The following AHNAK variants were observed in gnomAD, a reference collection of about 807,000 sequenced individuals.
AHNAK encodes the protein AHNAK nucleoprotein, also known as neuroblast differentiation-associated protein AHNAK.
AHNAK carries 23 observed loss-of-function variants against 37.8 expected under a neutral mutation model. The observed-to-expected ratio is 0.61, with a 90% CI of 0.44 to 0.86. The LOEUF (loss-of-function observed/expected upper bound fraction) is 0.86. Among genes scored for constraint, AHNAK ranks in the 40% least tolerant of loss-of-function variants. AHNAK has a pLI of 0.00. For missense variants in AHNAK, 7,411 were observed against 7,319.4 expected, an observed-to-expected ratio of 1.01 and a Z score of -0.46; for synonymous variants, 2,481 against 2,636.3, an observed-to-expected ratio of 0.94 and a Z score of 1.80.
rs1424677592 is a variant in AHNAK at position 62,532,961 on chromosome 11, T to A, written c.1456A>T (p.Thr486Ser). Residue 486 changes from threonine to serine, a missense_variant, in exon 5 of 5, where the codon ACT (threonine) becomes TCT (serine). Physicochemically the swap from Thr to Ser is moderately conservative, Grantham distance 58. Coordinates refer to ENST00000378024, the MANE Select transcript of AHNAK (RefSeq NM_001620.3). ...ATCATTTCAGGAGTCTTCACTTTAGTACCTTTCATCTTTCCTTCCAGCCCA... is the reference window on the plus strand; with the variant it reads ...ATCATTTCAGGAGTCTTCACTTTAGAACCTTTCATCTTTCCTTCCAGCCCA... ...TGGLEGKMKG[T>S]KVKTPEMIIQ... 5 of 1,614,188 alleles carry A rather than the reference T, an allele frequency of 3.1e-6. No individual in the cohort carries two copies. The South Asian group carries it at 5.5e-5, about 18-fold the overall frequency.
At chr11:62,452,988 G>A (rs1212151559) in intron 5 of AHNAK, among the ~76,000 whole-genome samples, 1 of 152,078 alleles carries the variant, frequency 6.6e-6, no homozygotes, top group African/African-American at 2.4e-5. Flanking sequence ...TCAAGCCACT[G>A]CACTCCAGTG....
intron 5 of AHNAK, among the ~76,000 whole-genome samples, chr11:62,491,129 A>T (rs928343378): frequency 2.0e-5 from 3 of 152,154 alleles, no homozygotes; most frequent in East Asian, 1.9e-4. Flanking sequence ...TCCAAAAAAC[A>T]GTTTCATTTT....
rs141517638 is a variant in AHNAK at position 62,524,908 on chromosome 11, A to G, written c.9509T>C (p.Val3170Ala). The G allele has an allele frequency of 1.9e-6, 3 of 1,613,772 alleles. No homozygotes were observed. The highest frequency in any genetic ancestry group is 1.7e-6 in the Non-Finnish European group (2 of 1,179,948). ...GTCAGCCTTGGGCAGGTTCACGTCCACTTCTGGACCTTCTCCTTTGAAGCC... is the reference window on the plus strand; with the variant it reads ...GTCAGCCTTGGGCAGGTTCACGTCCGCTTCTGGACCTTCTCCTTTGAAGCC... ...MPGFKGEGPE[V>A]DVNLPKADLD... The change falls in exon 5 of 5, where the codon GTG (valine) becomes GCG (alanine). Residue 3170 changes from valine to alanine, a missense_variant. Val to Ala is a moderately conservative substitution (Grantham distance 64). Transcript: ENST00000378024.
In AHNAK at chr11:62,532,380, T is replaced by C. The variant is rs1565245201; in HGVS notation, c.2037A>G (p.Lys679=). 1.2e-6 allele frequency: 2 copies of C among 1,614,088 alleles called. No homozygotes were observed. The highest frequency in any genetic ancestry group is 1.7e-5 in the Admixed American group (1 of 60,028). The change falls in exon 5 of 5, where the codon AAA becomes AAG. Residue 679 remains lysine (K), a synonymous_variant. Coordinates refer to ENST00000378024, the MANE Select transcript of AHNAK (RefSeq NM_001620.3). ...PDVNLEGLGG[K]LKGPDVKLPD... ...GCAGCTTAACATCGGGGCCTTTAAG[T>C]TTTCCCCCCAGACCCTCCAAGTTGA...
rs1419535006 is a variant in AHNAK at position 62,523,630 on chromosome 11, G to A, written c.10787C>T (p.Pro3596Leu). 5.0e-6 allele frequency: 8 copies of A among 1,614,174 alleles called. No individual in the cohort carries two copies. ...INAPDVDVHG[P>L]DWHLKMPKVK... ...TTTGGGCATCTTCAGATGCCAGTCTGGACCATGAACATCCACATCTGGGGC... is the reference window on the plus strand; with the variant it reads ...TTTGGGCATCTTCAGATGCCAGTCTAGACCATGAACATCCACATCTGGGGC... Residue 3596 changes from proline to leucine, a missense_variant, in exon 5 of 5, where the codon CCA (proline) becomes CTA (leucine). Coordinates refer to ENST00000378024, the MANE Select transcript of AHNAK (RefSeq NM_001620.3).
chr11:62,454,028 A>T (rs1299793910), intron 5 of AHNAK, among the ~76,000 whole-genome samples: 2 of 151,208 alleles, frequency 1.3e-5, no homozygotes, highest in Non-Finnish European at 2.9e-5. Context: ...AATCTGTTGA[A>T]CCCGGGAGGC....
intron 1 of AHNAK, among the ~76,000 whole-genome samples, chr11:62,539,480 CA>C (rs1565251538): frequency 7.1e-6 from 1 of 140,178 alleles, no homozygotes; most frequent in African/African-American, 2.6e-5. Flanking sequence ...CTGGCTGCAA[CA>C]GCTCCAGACC....
intron 5 of AHNAK, among the ~76,000 whole-genome samples, chr11:62,437,522 AT>A (rs34795362): frequency 1 from 152,290 of 152,292 alleles, 76,144 homozygotes; most frequent in Non-Finnish European, 1. Flanking sequence ...CACTCAGCTA[AT>A]TTTTTTTGTA....
chr11:62,450,224 C>A (rs933627933), intron 5 of AHNAK, among the ~76,000 whole-genome samples: 1 of 151,774 alleles, frequency 6.6e-6, no homozygotes, highest in Non-Finnish European at 1.5e-5. Context: ...GGTGTGATCT[C>A]ACGGCACACG....
chr11:62,499,551 A>G (rs922818840), intron 4 of AHNAK, among the ~76,000 whole-genome samples: 1 of 152,058 alleles, frequency 6.6e-6, no homozygotes, highest in African/African-American at 2.4e-5. Context: ...ACTCCATCTC[A>G]AAAAAACAAA....
At chr11:62,437,858 T>C (rs1320255704) in intron 5 of AHNAK, among the ~76,000 whole-genome samples, 2 of 152,220 alleles carry the variant, frequency 1.3e-5, no homozygotes, top group East Asian at 3.8e-4. Context: ...TTAGCTATTA[T>C]GGTGGGTGTG....
chr11:62,440,036 C>G (rs1565194679), intron 5 of AHNAK, among the ~76,000 whole-genome samples: 2 of 152,152 alleles, frequency 1.3e-5, no homozygotes, highest in Non-Finnish European at 1.5e-5. Flanking sequence ...TCCACCTTGG[C>G]ACTATTCACA....
At chr11:62,540,521 G>A (rs191918167) in intron 1 of AHNAK, among the ~76,000 whole-genome samples, 52 of 152,256 alleles carry the variant, frequency 3.4e-4, no homozygotes, top group Non-Finnish European at 6.2e-4. Context: ...AGCAAGAAGC[G>A]GGACAGAGCT....
intron 1 of AHNAK, among the ~76,000 whole-genome samples, chr11:62,539,734 T>A (rs923839110): frequency 2.0e-5 from 3 of 152,144 alleles, no homozygotes; most frequent in Non-Finnish European, 4.4e-5. Context: ...ACGGGAGCCA[T>A]TGGACCCGAA....
chr11:62,504,579 G>A (rs754917752), intron 4 of AHNAK, among the ~76,000 whole-genome samples: 3 of 151,892 alleles, frequency 2.0e-5, no homozygotes, highest in South Asian at 2.1e-4. Flanking sequence ...CCTCCCCACC[G>A]CCTGGCCACC....
At chr11:62,495,775 G>A (rs1386125291) in intron 4 of AHNAK, among the ~76,000 whole-genome samples, 5 of 148,272 alleles carry the variant, frequency 3.4e-5, no homozygotes, top group African/African-American at 9.9e-5. Context: ...TATGCCAGGC[G>A]CAGTGGCTCA....
intron 5 of AHNAK, among the ~76,000 whole-genome samples, chr11:62,438,180 TC>T (rs1489973599): frequency 2.3e-4 from 31 of 134,380 alleles, no homozygotes; most frequent in African/African-American, 6.1e-4. Context: ...TTTCTTTCTC[TC>T]TTTTTTTTTT....
chr11:62,491,993 G>A (rs969875595), intron 4 of AHNAK, among the ~76,000 whole-genome samples: 4 of 152,076 alleles, frequency 2.6e-5, no homozygotes, highest in Non-Finnish European at 5.9e-5. Flanking sequence ...CCATTGCCTG[G>A]AATCTCTAGC....
Position 62,526,904 on chromosome 11 carries a change from C to G in AHNAK, c.7513G>C (p.Asp2505His), listed in dbSNP as rs745369865. The G allele has an allele frequency of 1.8e-5, 29 of 1,614,216 alleles. No individual in the cohort carries two copies. Among genetic ancestry groups the G allele is most frequent in the Non-Finnish European group, 2.4e-5 (28 of 1,180,040 alleles). ...ATCTTGGGCATCTTCAGGTGCCAGTCTGGAGCTTGGACATCGGGGGCATTT... is the reference window on the plus strand; with the variant it reads ...ATCTTGGGCATCTTCAGGTGCCAGTGTGGAGCTTGGACATCGGGGGCATTT... ...DVNAPDVQAPDWHLKMPKMKM... is the reference protein window; with the variant it reads ...DVNAPDVQAPHWHLKMPKMKM... Residue 2505 changes from aspartate (D) to histidine (H), a missense_variant, in exon 5 of 5, where the codon GAC becomes CAC. By Grantham distance (81) the Asp-to-His change is moderately conservative. Transcript: ENST00000378024.
Sources: allele counts gnomAD v4.1 joint callset (sites outside exome capture counted in the v4.1 genomes callset), GRCh38; gene constraint gnomAD v4.1.1; transcripts MANE v1.5; gene names NCBI Gene and HGNC (gene_info 2026-07-23, HGNC 2026-07-21).